The following ERC2 variants were observed in gnomAD, a reference collection of about 807,000 sequenced individuals.
ERC2 encodes the protein ELKS/RAB6-interacting/CAST family member 2.
In ERC2, 42 loss-of-function variants were observed where a neutral mutation model predicts 114.8. The ratio of observed to expected loss-of-function variants is 0.37; its 90% CI spans 0.29 to 0.47. ERC2 has a LOEUF of 0.47. Among genes scored for constraint, ERC2 ranks in the 20% least tolerant of loss-of-function variants. ERC2 has a pLI of 0.99. For missense variants in ERC2, 939 were observed against 1,150.7 expected, an observed-to-expected ratio of 0.82 and a Z score of 2.66; for synonymous variants, 454 against 425.5, an observed-to-expected ratio of 1.07 and a Z score of -0.82.
intron 14 of ERC2, among the ~76,000 whole-genome samples, chr3:55,879,099 AT>A (rs3047064): frequency 7.8e-6 from 1 of 127,826 alleles, no homozygotes; most frequent in Non-Finnish European, 1.6e-5. Context: ...CTTTTTCTTA[AT>A]TTTTTTTTTT....
At chr3:55,901,623 G>T (rs1359694677) in intron 13 of ERC2, among the ~76,000 whole-genome samples, 1 of 152,024 alleles carries the variant, frequency 6.6e-6, no homozygotes, top group Non-Finnish European at 1.5e-5. Context: ...CCCATTTAAG[G>T]GCTCACCTTA....
At chr3:55,782,171 G>A (rs2069111174) in intron 14 of ERC2, among the ~76,000 whole-genome samples, 1 of 152,136 alleles carries the variant, frequency 6.6e-6, no homozygotes, top group African/African-American at 2.4e-5. Flanking sequence ...CTGTGCAGGA[G>A]AGACAGCCCA....
intron 14 of ERC2, among the ~76,000 whole-genome samples, chr3:55,843,311 A>C (rs2061217308): frequency 6.6e-6 from 1 of 152,214 alleles, no homozygotes; most frequent in Non-Finnish European, 1.5e-5. Flanking sequence ...TGGCAGAGGG[A>C]TAAGATAGAA....
chr3:55,952,180 C>CTATATA (rs1491480619), intron 12 of ERC2, among the ~76,000 whole-genome samples: 28 of 25,594 alleles, frequency 1.1e-3, no homozygotes, highest in Non-Finnish European at 1.4e-3. Context: ...CACACACACA[C>CTATATA]TCTCTCTCTC....
chr3:56,070,462 C>CT (rs71974557), intron 7 of ERC2, among the ~76,000 whole-genome samples: 4 of 120,410 alleles, frequency 3.3e-5, no homozygotes, highest in South Asian at 2.6e-4. Context: ...ATAAACAAAC[C>CT]TTTTTTAAAA....
chr3:55,874,937 A>C (rs991808725), intron 14 of ERC2, among the ~76,000 whole-genome samples: 4 of 152,156 alleles, frequency 2.6e-5, no homozygotes, highest in African/African-American at 9.7e-5. Context: ...CAAAGCAAGA[A>C]GGGAAGAGGG....
At chr3:56,335,781 C>T (rs576012485) in intron 2 of ERC2, among the ~76,000 whole-genome samples, 1 of 152,234 alleles carries the variant, frequency 6.6e-6, no homozygotes, top group South Asian at 2.1e-4. Flanking sequence ...AAAAATAACA[C>T]TGTGTCTCTA....
chr3:56,112,415 G>A (rs911624639), intron 6 of ERC2, among the ~76,000 whole-genome samples: 9 of 137,642 alleles, frequency 6.5e-5, no homozygotes, highest in African/African-American at 2.4e-4. Context: ...CAAACCTTGA[G>A]TGAGAAAAGA....
chr3:55,584,504 C>T (rs1054356274), intron 17 of ERC2, among the ~76,000 whole-genome samples: 2 of 152,032 alleles, frequency 1.3e-5, no homozygotes, highest in Non-Finnish European at 2.9e-5. Context: ...GGCAGAATTT[C>T]CACTTAGATG....
chr3:55,909,293 A>T (rs1394909935), intron 13 of ERC2, among the ~76,000 whole-genome samples: 2 of 152,250 alleles, frequency 1.3e-5, no homozygotes, highest in Non-Finnish European at 2.9e-5. Flanking sequence ...ACATCAGGAC[A>T]GACTAAAAAC....
intron 15 of ERC2, among the ~76,000 whole-genome samples, chr3:55,734,255 G>A (rs1252752069): frequency 1.3e-5 from 2 of 152,096 alleles, no homozygotes; most frequent in Admixed American, 1.3e-4. Flanking sequence ...GCATAGTCTG[G>A]CAGTGCTAGA....
At chr3:55,554,351 T>C (rs1575568765) in intron 17 of ERC2, among the ~76,000 whole-genome samples, 1 of 152,354 alleles carries the variant, frequency 6.6e-6, no homozygotes. Flanking sequence ...TATTCAAAGA[T>C]ACTGCTTTAT....
At chr3:56,185,971 G>A (rs1345544872) in intron 3 of ERC2, among the ~76,000 whole-genome samples, 1 of 152,028 alleles carries the variant, frequency 6.6e-6, no homozygotes, top group Non-Finnish European at 1.5e-5. Flanking sequence ...TCATGTGCAA[G>A]GACCACAGGA....
At chr3:56,289,869 A>G (rs1482913446) in intron 3 of ERC2, among the ~76,000 whole-genome samples, 1 of 151,866 alleles carries the variant, frequency 6.6e-6, no homozygotes, top group Non-Finnish European at 1.5e-5. Context: ...CCCAGCTTCC[A>G]CTCTTGATTG....
chr3:56,453,445 A>T (rs2062915572), intron 1 of ERC2, among the ~76,000 whole-genome samples: 1 of 152,206 alleles, frequency 6.6e-6, no homozygotes, highest in African/African-American at 2.4e-5. Flanking sequence ...AGCACAACCT[A>T]GCAATATCTG....
At chr3:56,452,968 T>A (rs1333207874) in intron 1 of ERC2, among the ~76,000 whole-genome samples, 1 of 152,152 alleles carries the variant, frequency 6.6e-6, no homozygotes, top group Non-Finnish European at 1.5e-5. Flanking sequence ...TTCTTCCTCA[T>A]GAGTAAAATA....
At chr3:55,588,431 C>T (rs1470192816) in intron 17 of ERC2, among the ~76,000 whole-genome samples, 1 of 152,188 alleles carries the variant, frequency 6.6e-6, no homozygotes. Context: ...ATCCTAAAGA[C>T]AACTTTCCAC....
chr3:55,819,817 A>T (rs2060049008), intron 14 of ERC2, among the ~76,000 whole-genome samples: 1 of 152,110 alleles, frequency 6.6e-6, no homozygotes, highest in Admixed American at 6.5e-5. Context: ...TCCAACTCAA[A>T]CCTGGGAAAC....
At chr3:56,392,815 C>T (rs2060176718) in intron 2 of ERC2, among the ~76,000 whole-genome samples, 1 of 152,194 alleles carries the variant, frequency 6.6e-6, no homozygotes, top group South Asian at 2.1e-4. Flanking sequence ...TTCTAACCCT[C>T]TTCTTCATCC....
Sources: gnomAD v4.1 joint callset for allele counts (sites outside exome capture counted in the v4.1 genomes callset) on GRCh38, gnomAD v4.1.1 for gene constraint, MANE v1.5 for transcripts, NCBI Gene and HGNC (gene_info 2026-07-23, HGNC 2026-07-21) for gene names.